The following PDIA3 variants were observed in gnomAD, a reference collection of about 807,000 sequenced individuals.
PDIA3 encodes the protein protein disulfide-isomerase A3.
Under a neutral mutation model 56.9 loss-of-function variants are expected in PDIA3, and 16 were observed. The ratio of observed to expected loss-of-function variants is 0.28; its 90% confidence interval spans 0.19 to 0.43. The LOEUF is 0.43. PDIA3 is among the 20% of genes least tolerant of loss of function. The probability of loss-of-function intolerance (pLI) is 1.00; values close to 1 mark genes in which losing one functional copy is unlikely to be tolerated. For missense variants in PDIA3, 485 were observed against 621.3 expected, an observed-to-expected ratio of 0.78 and a Z score of 2.33; for synonymous variants, 192 against 216.5, an observed-to-expected ratio of 0.89 and a Z score of 0.99.
Position 43,761,885 on chromosome 15 carries a change from CTG to C in PDIA3, c.472+355_472+356del, listed in dbSNP as rs555020944. Among the ~76,000 whole-genome samples the C allele has an allele frequency of 3.6e-3, 545 of 152,226 alleles. 3 individuals are homozygous for C. The highest frequency in any genetic ancestry group is 0.012 in the African/African-American group (517 of 41,544). On this transcript the variant is annotated intron_variant, in intron 4 of 12. Transcript: ENST00000300289. ...AGCGTTTTCTAATGCTTCTTAAACT[CTG>C]AGATTTGACTCACAATAGGGTAGTT... is the stretch of plus-strand genomic sequence containing the variant.
chr15:43,768,621 A>T, intron 9 of PDIA3, 24 bp downstream of exon 9: 2 of 1,434,182 alleles, frequency 1.4e-6, no homozygotes, highest in Non-Finnish European at 2.0e-6. Context: ...AGCCTCATCA[A>T]GCTATGAGCA....
intron 4 of PDIA3, among the ~76,000 whole-genome samples, chr15:43,762,310 G>A (rs1439338878): frequency 2.6e-5 from 4 of 151,340 alleles, no homozygotes; most frequent in South Asian, 4.2e-4. Flanking sequence ...TCGGGAGTTT[G>A]AGACCAACCT....
intron 1 of PDIA3, among the ~76,000 whole-genome samples, chr15:43,750,319 T>C (rs1482645950): frequency 6.6e-6 from 1 of 150,938 alleles, no homozygotes; most frequent in Non-Finnish European, 1.5e-5. Flanking sequence ...CCTGGCTTAG[T>C]GAAAGCTTTC....
chr15:43,765,777 A>G lies in PDIA3; in HGVS notation c.720-110A>G, dbSNP rs931337954. On this transcript the variant is annotated intron_variant, in intron 6 of 12. Coordinates refer to ENST00000300289, the MANE Select transcript of PDIA3 (RefSeq NM_005313.5). ...GTATATATTGCTCAGTACTTGTTCT[A>G]AATGTTTAAAATCTCTTTCCTTCAT... is the stretch of plus-strand genomic sequence containing the variant. 5 of 1,232,536 alleles carry G rather than the reference A, an allele frequency of 4.1e-6. No individual in the cohort carries two copies. The African/African-American group carries it at 6.0e-5, about 15-fold the overall frequency. 76.3% of individuals were successfully genotyped at this position (1,232,536 alleles called of 1,614,324 possible). A position where few individuals can be genotyped will look rare whatever the true frequency, so the allele number is the denominator to read the frequency against.
intron 2 of PDIA3, among the ~76,000 whole-genome samples, chr15:43,754,316 C>T (rs1376349905): frequency 3.3e-5 from 5 of 150,650 alleles, no homozygotes; most frequent in Non-Finnish European, 7.4e-5. Flanking sequence ...ATTGCTTGAA[C>T]CCAGGAGATG....
At chr15:43,763,619 C>CA (rs1211537170) in intron 5 of PDIA3, among the ~76,000 whole-genome samples, 1 of 152,244 alleles carries the variant, frequency 6.6e-6, no homozygotes, top group Non-Finnish European at 1.5e-5. Flanking sequence ...CATTATGCTA[C>CA]ATGCCCAGAA....
chr15:43,753,085 AC>A, intron 1 of PDIA3: 2 of 289,018 alleles, frequency 6.9e-6, no homozygotes, highest in South Asian at 2.5e-5. Context: ...TTGTGTCCCC[AC>A]CCCCACCCCG....
intron 3 of PDIA3, among the ~76,000 whole-genome samples, chr15:43,758,306 A>C (rs2086792952): frequency 1.3e-5 from 2 of 152,162 alleles, no homozygotes; most frequent in Admixed American, 6.6e-5. Context: ...TTTGTGCACT[A>C]TTAGGAATGT....
In PDIA3 at chr15:43,746,618, G is replaced by T. The variant is rs1462797570; in HGVS notation, c.79G>T (p.Val27Leu). 6.2e-7 allele frequency: 1 copy of T among 1,612,810 alleles called. No individual in the cohort carries two copies. Among genetic ancestry groups the T allele is most frequent in the Non-Finnish European group, 8.5e-7 (1 of 1,179,860 alleles). ...AAARLAAASD[V>L]LELTDDNFES... ...GGCCCGCCTCGCCGCTGCCTCCGACGTGCTAGAACTCACGGACGACAACTT... is the reference window on the plus strand; with the variant it reads ...GGCCCGCCTCGCCGCTGCCTCCGACTTGCTAGAACTCACGGACGACAACTT... Residue 27 changes from valine to leucine, a missense_variant, in exon 1 of 13, where the codon GTG (valine) becomes TTG (leucine). By Grantham distance (32) the Val-to-Leu change is conservative. Coordinates refer to ENST00000300289, the MANE Select transcript of PDIA3 (RefSeq NM_005313.5).
In PDIA3 at chr15:43,771,614, G is replaced by A; in HGVS notation, c.*396G>A. 38 of 405,744 alleles carry A rather than the reference G, an allele frequency of 9.4e-5. No homozygotes were observed. The South Asian group carries it at 1.3e-3, about 14-fold the overall frequency. The allele number at this position is 405,744 out of a possible 1,614,324, so 25.1% of individuals were successfully genotyped here. On this transcript the variant is annotated 3_prime_UTR_variant, in exon 13 of 13. Transcript: ENST00000300289. ...TCACTGTTCAATAGAGCTTTCTTCA[G>A]TGATGGAAATGCTCTGTAATCTACA... is the stretch of plus-strand genomic sequence containing the variant.
At position 43,765,016 on chromosome 15, in the gene PDIA3, G is replaced by A. The variant is rs1188987934; in HGVS notation, c.603-434G>A. 2.6e-5 allele frequency among the ~76,000 whole-genome samples: 4 copies of A among 152,310 alleles called. No homozygotes were observed. The East Asian group carries it at 7.7e-4, about 29-fold the overall frequency. On this transcript the variant is annotated intron_variant, in intron 5 of 12. Transcript: ENST00000300289. Reference sequence around the variant, plus strand: ...ATGAGAAGGTCTTGTTGCTGAATCTGTGGTACTAGAAAAGAGTCCTTATGT... The same window carrying A: ...ATGAGAAGGTCTTGTTGCTGAATCTATGGTACTAGAAAAGAGTCCTTATGT...
chr15:43,753,202 C>G, intron 1 of PDIA3, among the ~76,000 whole-genome samples: 1 of 152,086 alleles, frequency 6.6e-6, no homozygotes, highest in South Asian at 2.1e-4. Flanking sequence ...CTCAGCCTCC[C>G]GATTAGCTTT....
In PDIA3 at chr15:43,769,500, T is replaced by G. The variant is rs745413377; in HGVS notation, c.1138-18T>G. ...ATTTTTTTATGTTACCAACTAGAGA[T>G]TCTTCTGTGTTTTCCAGGTAGTGGT... On this transcript the variant is annotated intron_variant, in intron 9 of 12. Coordinates refer to ENST00000300289, the MANE Select transcript of PDIA3 (RefSeq NM_005313.5). The G allele has an allele frequency of 7.4e-6, 12 of 1,610,742 alleles. No homozygotes were observed. Among genetic ancestry groups the G allele is most frequent in the African/African-American group, 2.7e-5 (2 of 74,850 alleles).
chr15:43,749,990 G>T (rs1046318285), intron 1 of PDIA3, among the ~76,000 whole-genome samples: 2 of 149,744 alleles, frequency 1.3e-5, no homozygotes, highest in African/African-American at 2.5e-5. Flanking sequence ...CCTTATTCTC[G>T]TCACAAAATA....
Position 43,746,492 on chromosome 15 carries a change from C to T in PDIA3, c.-48C>T, listed in dbSNP as rs1216334227. 1.3e-6 allele frequency: 2 copies of T among 1,485,180 alleles called. No individual in the cohort carries two copies. The highest frequency in any genetic ancestry group is 2.1e-5 in the Admixed American group (1 of 48,444). The allele number at this position is 1,485,180 out of a possible 1,614,324, so 92.0% of individuals were successfully genotyped here. A position where few individuals can be genotyped will look rare whatever the true frequency, so the allele number is the denominator to read the frequency against. On this transcript the variant is annotated 5_prime_UTR_variant, in exon 1 of 13. Coordinates refer to ENST00000300289, the MANE Select transcript of PDIA3 (RefSeq NM_005313.5). ...GGTCGCGCGCCCGACCTCCGCAGTC[C>T]CAGCCGAGCCGCGACCCTTCCGGCC...
intron 2 of PDIA3, among the ~76,000 whole-genome samples, chr15:43,755,244 T>C (rs2086771091): frequency 6.6e-6 from 1 of 151,992 alleles, no homozygotes; most frequent in African/African-American, 2.4e-5. Context: ...GGACAATCGC[T>C]TGAACCCAGG....
intron 2 of PDIA3, among the ~76,000 whole-genome samples, chr15:43,754,585 T>C (rs555757872): frequency 2.0e-5 from 3 of 151,532 alleles, no homozygotes; most frequent in African/African-American, 7.3e-5. Flanking sequence ...AAGCTGGGTG[T>C]GTTGGCTCAC....
intron 1 of PDIA3, 47 bp downstream of exon 1, chr15:43,746,753 G>T: frequency 6.3e-7 from 1 of 1,596,802 alleles, no homozygotes; most frequent in Non-Finnish European, 8.6e-7. Context: ...GGGCTGGGCC[G>T]GGGGCGAGAG....
rs936404618 is a variant in PDIA3, at chr15:43,766,887, G to A, written c.1005G>A (p.Lys335=). The change falls in exon 8 of 13, where the codon AAG becomes AAA. Residue 335 remains lysine, a synonymous_variant. Transcript: ENST00000300289. ...VVAIRTAKGE[K]FVMQEEFSRD... ...CTATCAGAACTGCTAAAGGAGAGAA[G>A]TTTGTCATGCAGGAGGAGTTCTCGT... 14 of 1,614,150 alleles carry A rather than the reference G, an allele frequency of 8.7e-6. No homozygotes were observed. The highest frequency in any genetic ancestry group is 2.2e-5 in the East Asian group (1 of 44,888).
Sources: gnomAD v4.1 joint callset for allele counts (sites outside exome capture counted in the v4.1 genomes callset) on GRCh38, gnomAD v4.1.1 for gene constraint, MANE v1.5 for transcripts, NCBI Gene and HGNC (gene_info 2026-07-23, HGNC 2026-07-21) for gene names.